Variants in FMO5 observed in about 807,000 individuals in gnomAD.
FMO5 encodes flavin containing dimethylaniline monoxygenase 5, also known as flavin-containing monooxygenase 5.
Under a neutral mutation model 43.6 loss-of-function variants are expected in FMO5, and 51 were observed. The ratio of observed to expected loss-of-function variants is 1.17; its 90% CI spans 0.93 to 1.48. The LOEUF is 1.48. Ranked by LOEUF, FMO5 falls within the 40% of genes most tolerant of loss-of-function variation. The pLI, the probability that FMO5 is intolerant of heterozygous loss-of-function variation, is 0.00. For synonymous variants in FMO5, 187 were observed against 216.5 expected (o/e 0.86, Z 1.20); for missense variants, 644 against 643.0 (o/e 1.00, Z -0.02).
intron 2 of FMO5, among the ~76,000 whole-genome samples, chr1:147,218,130 C>A (rs984735290): frequency 1.3e-5 from 2 of 152,050 alleles, no homozygotes; most frequent in African/African-American, 2.4e-5. Context: ...AATATAAAGT[C>A]AAATGCATAG....
chr1:147,213,478 G>C lies in FMO5; in HGVS notation c.325-8C>G. On this transcript the variant is annotated splice_polypyrimidine_tract_variant and splice_region_variant and intron_variant, in intron 3 of 8. Transcript: ENST00000254090. ...CACACTGCACACAGTGGTCTGAAAA[G>C]AAAAGTGATAACCACAGGGGACATC... is the stretch of plus-strand genomic sequence containing the variant. 6.3e-7 allele frequency: 1 copy of C among 1,593,630 alleles called. No homozygotes were observed. Among genetic ancestry groups the C allele is most frequent in the Non-Finnish European group, 8.5e-7 (1 of 1,170,278 alleles).
At chr1:147,193,362 T>G (rs587633719) in intron 7 of FMO5, among the ~76,000 whole-genome samples, 1 of 152,274 alleles carries the variant, frequency 6.6e-6, no homozygotes, top group Non-Finnish European at 1.5e-5. Context: ...GATATCCCCT[T>G]TATCATTTTT....
intron 6 of FMO5, chr1:147,203,650 C>G: frequency 1.5e-6 from 2 of 1,379,088 alleles, no homozygotes; most frequent in Non-Finnish European, 2.1e-6. Flanking sequence ...CAGGACATGT[C>G]TCTCCATATG....
chr1:147,222,009 AAC>A (rs1468672736), intron 2 of FMO5, among the ~76,000 whole-genome samples: 36 of 152,286 alleles, frequency 2.4e-4, no homozygotes, highest in African/African-American at 8.7e-4. Flanking sequence ...TCTCTCTACA[AAC>A]TCTATACACT....
intron 7 of FMO5, among the ~76,000 whole-genome samples, chr1:147,194,101 G>A (rs1553919174): frequency 6.6e-6 from 1 of 152,184 alleles, no homozygotes; most frequent in African/African-American, 2.4e-5. Flanking sequence ...AATGTTGACA[G>A]TGGGGTGTTA....
At chr1:147,189,272 A>T (rs1468019408) in intron 8 of FMO5, among the ~76,000 whole-genome samples, 1 of 55,848 alleles carries the variant, frequency 1.8e-5, no homozygotes, top group Admixed American at 1.6e-4. Flanking sequence ...GACTCCGTCT[A>T]AAAAAAAAAA....
chr1:147,201,301 A>C lies in FMO5; in HGVS notation c.1034T>G (p.Val345Gly). Residue 345 changes from valine to glycine, a missense_variant, in exon 7 of 9, where the codon GTG (valine) becomes GGG (glycine). Val to Gly is a moderately radical substitution (Grantham distance 109). Coordinates refer to ENST00000254090, the MANE Select transcript of FMO5 (RefSeq NM_001461.4). ...DFPFLEDSVK[V>G]VKNKISLYKK... ...ATACAGGGATATCTTGTTTTTGACC[A>C]CTTTGACGGAATCTTCCAGAAATGG... The C allele has an allele frequency of 1.2e-6, 2 of 1,614,156 alleles. No homozygotes were observed. Among genetic ancestry groups the C allele is most frequent in the Non-Finnish European group, 8.5e-7 (1 of 1,180,016 alleles).
At chr1:147,190,098 G>T in intron 8 of FMO5, 79 bp downstream of exon 8, 2 of 970,574 alleles carry the variant, frequency 2.1e-6, no homozygotes, top group Non-Finnish European at 1.6e-6. Context: ...ACATGAGGCA[G>T]TTAAATACAG....
chr1:147,209,031 T>A lies in FMO5; in HGVS notation c.651A>T (p.Arg217Ser), dbSNP rs1553923146. 2 of 1,613,980 alleles carry A rather than the reference T, an allele frequency of 1.2e-6. No homozygotes were observed. The highest frequency in any genetic ancestry group is 1.7e-6 in the Non-Finnish European group (2 of 1,179,878). Residue 217 changes from arginine (R) to serine (S), a missense_variant, in exon 6 of 9, where the codon AGA becomes AGT. Coordinates refer to ENST00000254090, the MANE Select transcript of FMO5 (RefSeq NM_001461.4). ...CTACACGATTCAGGATCCAAGCCCC[T>A]CTCCTGGTGCTGAGGAAAACCTGGG... ...TAKQVFLSTRRGAWILNRVGD... is the reference protein window; with the variant it reads ...TAKQVFLSTRSGAWILNRVGD...
intron 3 of FMO5, 77 bp downstream of exon 3, chr1:147,215,677 C>T: frequency 9.5e-7 from 1 of 1,047,728 alleles, no homozygotes; most frequent in Non-Finnish European, 1.4e-6. Flanking sequence ...TAGAAGTAAA[C>T]ATTGGTAACT....
intron 2 of FMO5, among the ~76,000 whole-genome samples, chr1:147,220,198 A>G (rs587712354): frequency 6.6e-6 from 1 of 152,316 alleles, no homozygotes; most frequent in African/African-American, 2.4e-5. Flanking sequence ...AACTCCATCT[A>G]TAGTAATACC....
At chr1:147,215,580 C>T (rs587674849) in intron 3 of FMO5, 174 bp downstream of exon 3, 1 of 548,216 alleles carries the variant, frequency 1.8e-6, no homozygotes. Context: ...GAGACTGTCC[C>T]TTGAATATTT....
intron 5 of FMO5, chr1:147,211,615 A>C (rs1661081685): frequency 6.6e-6 from 1 of 152,228 alleles, no homozygotes; most frequent in African/African-American, 2.4e-5. Flanking sequence ...AGAACAACCA[A>C]GACATTTACC....
Position 147,186,634 on chromosome 1 carries a change from T to A in FMO5, c.*266A>T. On this transcript the variant is annotated 3_prime_UTR_variant, in exon 9 of 9. Coordinates refer to ENST00000254090, the MANE Select transcript of FMO5 (RefSeq NM_001461.4). ...CATGTCAAGAACTCTGCTAAAGACA[T>A]ACAAAGATGACTAAAAGAGTACCTG... 8.1e-7 allele frequency: 1 copy of A among 1,236,926 alleles called. No individual in the cohort carries two copies. The highest frequency in any genetic ancestry group is 1.0e-6 in the Non-Finnish European group (1 of 985,454). 76.6% of individuals were successfully genotyped at this position (1,236,926 alleles called of 1,614,324 possible). A position where few individuals can be genotyped will look rare whatever the true frequency, so the allele number is the denominator to read the frequency against.
upstream of FMO5, chr1:147,225,648 T>C (rs1156829707): frequency 6.5e-6 from 1 of 153,088 alleles, no homozygotes; most frequent in Admixed American, 6.5e-5. Context: ...TGCCTTAAAG[T>C]GACAAACACT....
At position 147,186,728 on chromosome 1, in the gene FMO5, C is replaced by G. The variant is rs1655676282; in HGVS notation, c.*172G>C. 2 of 1,427,532 alleles carry G rather than the reference C, an allele frequency of 1.4e-6. No individual in the cohort carries two copies. Among genetic ancestry groups the G allele is most frequent in the African/African-American group, 2.9e-5 (2 of 69,360 alleles). The allele number at this position is 1,427,532 out of a possible 1,614,324, so 88.4% of individuals were successfully genotyped here. On this transcript the variant is annotated 3_prime_UTR_variant, in exon 9 of 9. Transcript: ENST00000254090. ...TGAGTGGAAGGGAGATGAGTTAATA[C>G]AAATGGAAAACAGGTTTCATTGTAG...
chr1:147,221,984 T>C (rs1171573177), intron 2 of FMO5, among the ~76,000 whole-genome samples: 2 of 152,170 alleles, frequency 1.3e-5, no homozygotes, highest in African/African-American at 4.8e-5. Flanking sequence ...TTTTCTACCA[T>C]TGATGAATAA....
At chr1:147,226,837 A>AT (rs1664014774), upstream of FMO5, among the ~76,000 whole-genome samples, 1 of 9,288 alleles carries the variant, frequency 1.1e-4, no homozygotes, top group African/African-American at 4.8e-4. Context: ...GAACTGTCGA[A>AT]CTTTTTTTTT....
intron 6 of FMO5, chr1:147,205,064 G>A (rs767436477): frequency 1.2e-4 from 73 of 629,616 alleles, no homozygotes; most frequent in Non-Finnish European, 1.8e-4. Context: ...AGCCATACCA[G>A]ACTACATGCA....
Sources: allele counts gnomAD v4.1 joint callset (sites outside exome capture counted in the v4.1 genomes callset), GRCh38; gene constraint gnomAD v4.1.1; transcripts MANE v1.5; gene names NCBI Gene and HGNC (gene_info 2026-07-23, HGNC 2026-07-21).